Variants in PKD1L1 observed in about 807,000 individuals in gnomAD.
PKD1L1 encodes the protein polycystin-1-like protein 1.
A neutral mutation model predicts 323.4 loss-of-function variants in PKD1L1; 236 were observed. The ratio of observed to expected loss-of-function variants is 0.73; its 90% CI spans 0.66 to 0.81. PKD1L1 has a LOEUF of 0.81. Among genes scored for constraint, PKD1L1 ranks in the 40% least tolerant of loss-of-function variants. The probability of loss-of-function intolerance (pLI) is 0.00; values close to 1 mark genes in which losing one functional copy is unlikely to be tolerated. For missense variants in PKD1L1, 3,320 were observed against 3,508.0 expected (o/e 0.95, Z 1.35); for synonymous variants, 1,344 against 1,335.0 (o/e 1.01, Z -0.15).
At chr7:47,838,978 T>C (rs1300187170) in intron 36 of PKD1L1, among the ~76,000 whole-genome samples, 1 of 151,588 alleles carries the variant, frequency 6.6e-6, no homozygotes, top group Non-Finnish European at 1.5e-5. Flanking sequence ...GGAAAGGACA[T>C]GCAAAAATCA....
Position 47,795,980 on chromosome 7 carries a change from A to C in PKD1L1, c.8355+9T>G. 6.2e-7 allele frequency: 1 copy of C among 1,608,822 alleles called. No homozygotes were observed. The highest frequency in any genetic ancestry group is 8.5e-7 in the Non-Finnish European group (1 of 1,178,392). ...ATCATGCTCAGTAATCCAAGATCTCACAGCTTACGTGATTCTCAACCATCT... is the reference window on the plus strand; with the variant it reads ...ATCATGCTCAGTAATCCAAGATCTCCCAGCTTACGTGATTCTCAACCATCT... On this transcript the variant is annotated intron_variant, in intron 55 of 56. Coordinates refer to ENST00000289672, the MANE Select transcript of PKD1L1 (RefSeq NM_138295.5).
At chr7:47,934,454 A>G (rs1282047866) in intron 4 of PKD1L1, among the ~76,000 whole-genome samples, 4 of 152,186 alleles carry the variant, frequency 2.6e-5, no homozygotes, top group Admixed American at 6.5e-5. Context: ...GTCCTCCCAG[A>G]GGGACATCTG....
In PKD1L1 at chr7:47,908,109, A is replaced by G. The variant is rs777073167; in HGVS notation, c.1370T>C (p.Leu457Pro). 1.9e-6 allele frequency: 3 copies of G among 1,614,136 alleles called. No individual in the cohort carries two copies. Among genetic ancestry groups the G allele is most frequent in the Non-Finnish European group, 2.5e-6 (3 of 1,180,034 alleles). ...NSSSVHEDEVLVFADSQVNQK... is the reference protein window; with the variant it reads ...NSSSVHEDEVPVFADSQVNQK... Reference sequence around the variant, plus strand: ...ATTCACTTGGGAGTCAGCAAAGACAAGCACTTCATCTTCATGGACACTGCT... The same window carrying G: ...ATTCACTTGGGAGTCAGCAAAGACAGGCACTTCATCTTCATGGACACTGCT... The change falls in exon 9 of 57, where the codon CTT (leucine) becomes CCT (proline). Residue 457 changes from leucine (L) to proline (P), a missense_variant. Physicochemically the swap from Leu to Pro is moderately conservative, Grantham distance 98. Coordinates refer to ENST00000289672, the MANE Select transcript of PKD1L1 (RefSeq NM_138295.5).
intron 19 of PKD1L1, 146 bp downstream of exon 19, chr7:47,884,452 C>T (rs190721663): frequency 1.4e-5 from 10 of 716,414 alleles, no homozygotes; most frequent in South Asian, 6.7e-5. Flanking sequence ...TGGTTCAGAC[C>T]GTGCCATGTA....
rs35309554 is a variant in PKD1L1, at chr7:47,801,319, G to C, written c.7963-440C>G. Among the ~76,000 whole-genome samples the C allele has an allele frequency of 8.6e-3, 1,306 of 152,294 alleles. 12 individuals carry two copies. Among genetic ancestry groups the C allele is most frequent in the Non-Finnish European group, 0.01 (703 of 68,030 alleles). On this transcript the variant is annotated intron_variant, in intron 53 of 56. Transcript: ENST00000289672. ...AAATCACTTAGGAAGCATCAGGAAG[G>C]CTTTCCAATTTTGATGTAGATTTGG... is the stretch of plus-strand genomic sequence containing the variant.
At chr7:47,808,501 C>T (rs535012443) in intron 51 of PKD1L1, 114 bp from the exon 52 acceptor site, 11 of 1,300,080 alleles carry the variant, frequency 8.5e-6, no homozygotes, top group Non-Finnish European at 1.2e-5. Flanking sequence ...TACAGGGATG[C>T]CTTCTGAGAA....
At chr7:47,880,286 T>TATA (rs1264486018) in intron 21 of PKD1L1, among the ~76,000 whole-genome samples, 3 of 75,608 alleles carry the variant, frequency 4.0e-5, no homozygotes, top group East Asian at 3.1e-4. Flanking sequence ...ATATATATAT[T>TATA]TTTTTTTTTT....
At position 47,948,404 on chromosome 7, in the gene PKD1L1, G is replaced by C. The variant is rs1355770785; in HGVS notation, c.37C>G (p.Gln13Glu). The C allele has an allele frequency of 1.2e-6, 2 of 1,614,058 alleles. No individual in the cohort carries two copies. The highest frequency in any genetic ancestry group is 1.7e-5 in the Admixed American group (1 of 60,014). Reference sequence around the variant, plus strand: ...AGAACAGTGATAACTCACCTTTCCTGGTCATCAGAAATGTTCTGGGCTGCC... The same window carrying C: ...AGAACAGTGATAACTCACCTTTCCTCGTCATCAGAAATGTTCTGGGCTGCC... Reference protein sequence around the residue: ...EEAAQNISDDQERCLQAACCL... With the variant: ...EEAAQNISDDEERCLQAACCL... The change falls in exon 1 of 57, where the codon CAG becomes GAG. Residue 13 changes from glutamine to glutamate, a missense_variant. Physicochemically the swap from Gln to Glu is conservative, Grantham distance 29. Transcript: ENST00000289672.
Position 47,800,736 on chromosome 7 carries a change from GAGGCAGTCTT to G in PKD1L1, c.8096_8105del (p.Lys2699ThrfsTer20), listed in dbSNP as rs1784643052. Reference sequence around the variant, plus strand: ...GCTGGTCAGACTTGGAAAGGCCAAGGAGGCAGTCTTTTTGGCTTCTTCTGGGAAAATGAAA... The same window carrying G: ...GCTGGTCAGACTTGGAAAGGCCAAGGTTTGGCTTCTTCTGGGAAAATGAAA... On this transcript the variant is annotated frameshift_variant, in exon 54 of 57. Coordinates refer to ENST00000289672, the MANE Select transcript of PKD1L1 (RefSeq NM_138295.5). LOFTEE classifies it high-confidence loss of function. 1.2e-6 allele frequency: 2 copies of G among 1,614,090 alleles called. No individual in the cohort carries two copies. Among genetic ancestry groups the G allele is most frequent in the Non-Finnish European group, 1.7e-6 (2 of 1,180,056 alleles).
intron 42 of PKD1L1, among the ~76,000 whole-genome samples, chr7:47,830,863 G>T (rs1785334598): frequency 6.6e-6 from 1 of 152,192 alleles, no homozygotes; most frequent in Admixed American, 6.5e-5. Flanking sequence ...AATGATGGGA[G>T]ACCATGAACA....
At chr7:47,815,719 T>C (rs1043488463) in intron 46 of PKD1L1, among the ~76,000 whole-genome samples, 13 of 152,188 alleles carry the variant, frequency 8.5e-5, no homozygotes, top group African/African-American at 3.1e-4. Context: ...AACATTACTA[T>C]GCAACTACTA....
rs1049150265 is a variant in PKD1L1 at position 47,853,120 on chromosome 7, C to T, written c.4960+7G>A. ...GAAAGGGAAAATAAGGCGCCCTGTTCACTGACCTTTCTGAGAAGCAGCAGG... is the reference window on the plus strand; with the variant it reads ...GAAAGGGAAAATAAGGCGCCCTGTTTACTGACCTTTCTGAGAAGCAGCAGG... On this transcript the variant is annotated splice_region_variant and intron_variant, in intron 31 of 56. Transcript: ENST00000289672. 6.3e-7 allele frequency: 1 copy of T among 1,594,442 alleles called. No individual in the cohort carries two copies. The highest frequency in any genetic ancestry group is 1.3e-5 in the African/African-American group (1 of 74,586).
chr7:47,889,377 A>T (rs1478847336), intron 16 of PKD1L1, among the ~76,000 whole-genome samples: 5 of 148,460 alleles, frequency 3.4e-5, no homozygotes, highest in Admixed American at 2.7e-4. Flanking sequence ...TTTAATGATT[A>T]ATGATTTAAA....
intron 41 of PKD1L1, among the ~76,000 whole-genome samples, chr7:47,832,556 C>G (rs768573979): frequency 6.6e-6 from 1 of 152,206 alleles, no homozygotes. Context: ...GCTGGAGCCT[C>G]GAGAAAACCA....
intron 7 of PKD1L1, among the ~76,000 whole-genome samples, chr7:47,917,745 TAC>T (rs1203916886): frequency 1.3e-5 from 2 of 152,148 alleles, no homozygotes; most frequent in Non-Finnish European, 2.9e-5. Context: ...GAAGAAAAGA[TAC>T]AGTCTTTTTC....
In PKD1L1 at chr7:47,884,660, A is replaced by G. The variant is rs753379167; in HGVS notation, c.3206-3T>C. ...GTCACTGTAATAGGCTTCAAAATCTATAAGAAAGGACAAAATCATAATGTT... is the reference window on the plus strand; with the variant it reads ...GTCACTGTAATAGGCTTCAAAATCTGTAAGAAAGGACAAAATCATAATGTT... On this transcript the variant is annotated splice_region_variant and splice_polypyrimidine_tract_variant and intron_variant, in intron 18 of 56. Coordinates refer to ENST00000289672, the MANE Select transcript of PKD1L1 (RefSeq NM_138295.5). The G allele has an allele frequency of 3.1e-6, 5 of 1,611,248 alleles. No homozygotes were observed. The highest frequency in any genetic ancestry group is 4.5e-5 in the East Asian group (2 of 44,878).
intron 53 of PKD1L1, among the ~76,000 whole-genome samples, chr7:47,801,726 G>A (rs1174280683): frequency 1.3e-5 from 2 of 152,214 alleles, no homozygotes; most frequent in African/African-American, 2.4e-5. Context: ...GACATCAGTG[G>A]AACTCAGAAG....
rs1321303126 is a variant in PKD1L1, at chr7:47,839,461, TC to T, written c.5753del (p.Gly1918AspfsTer183). The T allele has an allele frequency of 6.2e-7, 1 of 1,609,390 alleles. No homozygotes were observed. Among genetic ancestry groups the T allele is most frequent in the East Asian group, 2.2e-5 (1 of 44,780 alleles). ...GGGAGCCTACCTTCCGGAAGCCGAG[TC>T]CCCCTTGCAGACAGGTGAGCTCCCG... ...VERELTCLQGGLGFRKLFYCK... is the reference protein window; with the variant it reads ...VERELTCLQGXLGFRKLFYCK... On this transcript the variant is annotated frameshift_variant, in exon 36 of 57. Coordinates refer to ENST00000289672, the MANE Select transcript of PKD1L1 (RefSeq NM_138295.5). LOFTEE classifies it high-confidence loss of function. The surrounding 1 kb of genome is among the most constrained non-coding windows in gnomAD (Gnocchi z 4.3).
chr7:47,890,503 AC>A (rs1195772952), intron 16 of PKD1L1, 38 bp downstream of exon 16: 2 of 1,593,384 alleles, frequency 1.3e-6, no homozygotes, highest in East Asian at 4.5e-5. Flanking sequence ...GGGAACAAAC[AC>A]CGGTGAGCTG....
Sources: gnomAD v4.1 joint callset for allele counts (sites outside exome capture counted in the v4.1 genomes callset) on GRCh38, gnomAD v4.1.1 for gene constraint, Gnocchi (gnomAD v3.1) non-coding constraint, MANE v1.5 for transcripts, NCBI Gene and HGNC (gene_info 2026-07-23, HGNC 2026-07-21) for gene names.